Variants in HIBADH observed in about 807,000 individuals in gnomAD.
HIBADH encodes 3-hydroxyisobutyrate dehydrogenase, also known as 3-hydroxyisobutyrate dehydrogenase, mitochondrial.
Under a neutral mutation model 36.1 loss-of-function variants are expected in HIBADH, and 25 were observed. The observed-to-expected ratio is 0.69, with a 90% CI of 0.50 to 0.97. The LOEUF (loss-of-function observed/expected upper bound fraction) is 0.97, where lower values mean the gene tolerates loss of function less well. Among genes scored for constraint, HIBADH ranks in the 50% least tolerant of loss-of-function variants. The pLI, the probability that HIBADH is intolerant of heterozygous loss-of-function variation, is 0.00. For missense variants in HIBADH, 421 were observed against 418.0 expected (o/e 1.01, Z -0.06); for synonymous variants, 160 against 149.5 (o/e 1.07, Z -0.51).
At chr7:27,538,250 T>C (rs1784094891) in intron 6 of HIBADH, 91 bp downstream of exon 6, 1 of 972,828 alleles carries the variant, frequency 1.0e-6, no homozygotes, top group Non-Finnish European at 1.6e-6. Flanking sequence ...TCAACTCATT[T>C]ATCTCTCATG....
At chr7:27,529,839 C>T (rs1177765174) in intron 7 of HIBADH, among the ~76,000 whole-genome samples, 4 of 152,142 alleles carry the variant, frequency 2.6e-5, no homozygotes, top group Non-Finnish European at 5.9e-5. Context: ...TAAACTTAAA[C>T]TTCATTACTG....
intron 3 of HIBADH, among the ~76,000 whole-genome samples, chr7:27,631,163 AG>A (rs1360795450): frequency 6.6e-6 from 1 of 152,242 alleles, no homozygotes; most frequent in Non-Finnish European, 1.5e-5. Flanking sequence ...ATGTCTCCTC[AG>A]AAGTTTTTAG....
chr7:27,579,319 G>C (rs373129401), intron 4 of HIBADH, among the ~76,000 whole-genome samples: 2 of 152,244 alleles, frequency 1.3e-5, no homozygotes, highest in East Asian at 3.9e-4. Context: ...GGGGCTGAAG[G>C]GGGCAAGAGA....
rs1450834415 is a variant in HIBADH, at chr7:27,525,606, T to C, written c.*608A>G. On this transcript the variant is annotated 3_prime_UTR_variant, in exon 8 of 8. Coordinates refer to ENST00000265395, the MANE Select transcript of HIBADH (RefSeq NM_152740.4). Reference sequence around the variant, plus strand: ...AGAATGAACAAGAAAGAAAAAAATATAAAAACAAGTCTGCTGAGTGTCGGG... The same window carrying C: ...AGAATGAACAAGAAAGAAAAAAATACAAAAACAAGTCTGCTGAGTGTCGGG... 2.6e-5 allele frequency: 4 copies of C among 152,142 alleles called. No homozygotes were observed. Among genetic ancestry groups the C allele is most frequent in the African/African-American group, 9.7e-5 (4 of 41,428 alleles). The allele number at this position is 152,142 out of a possible 1,614,324, so 9.4% of individuals were successfully genotyped here.
chr7:27,615,955 A>G (rs371496605), intron 4 of HIBADH, among the ~76,000 whole-genome samples: 1 of 152,174 alleles, frequency 6.6e-6, no homozygotes, highest in African/African-American at 2.4e-5. Flanking sequence ...GTCTAAATGG[A>G]CTACCATTTA....
chr7:27,572,454 G>A (rs567583458), intron 4 of HIBADH, among the ~76,000 whole-genome samples: 2 of 152,236 alleles, frequency 1.3e-5, no homozygotes, highest in African/African-American at 4.8e-5. Flanking sequence ...TTTATGCCAA[G>A]ATACTTTTAA....
At chr7:27,578,347 G>A (rs1371628998) in intron 4 of HIBADH, among the ~76,000 whole-genome samples, 4 of 148,426 alleles carry the variant, frequency 2.7e-5, no homozygotes, top group African/African-American at 7.5e-5. Flanking sequence ...AGACAGTTTC[G>A]CTTTGTTGCG....
intron 4 of HIBADH, among the ~76,000 whole-genome samples, chr7:27,604,427 ATT>A (rs34640888): frequency 5.1e-4 from 76 of 148,702 alleles, no homozygotes; most frequent in South Asian, 1.1e-3. Context: ...ATCAAATTTG[ATT>A]TTTTTTTTTT....
At chr7:27,530,496 C>T (rs1010316652) in intron 7 of HIBADH, among the ~76,000 whole-genome samples, 11 of 152,100 alleles carry the variant, frequency 7.2e-5, no homozygotes, top group Non-Finnish European at 1.2e-4. Flanking sequence ...CATGAGCTAT[C>T]GCGCCTGGCC....
chr7:27,528,256 AT>A (rs1244829890), intron 7 of HIBADH, among the ~76,000 whole-genome samples: 1 of 152,246 alleles, frequency 6.6e-6, no homozygotes, highest in Non-Finnish European at 1.5e-5. Context: ...AGGCCAATTA[AT>A]AACCCTACAA....
At chr7:27,577,282 T>C (rs1364357052) in intron 4 of HIBADH, among the ~76,000 whole-genome samples, 1 of 151,158 alleles carries the variant, frequency 6.6e-6, no homozygotes, top group Non-Finnish European at 1.5e-5. Flanking sequence ...TCCTACCTCA[T>C]CCTCCCAGGT....
intron 4 of HIBADH, among the ~76,000 whole-genome samples, chr7:27,625,971 A>C (rs991092564): frequency 2.0e-5 from 3 of 151,904 alleles, no homozygotes; most frequent in African/African-American, 7.3e-5. Context: ...GTGTGGTGGC[A>C]GGCGCCTGTA....
chr7:27,569,221 A>C (rs183757412), intron 4 of HIBADH, among the ~76,000 whole-genome samples: 35 of 152,196 alleles, frequency 2.3e-4, no homozygotes, highest in Middle Eastern at 6.8e-3. Flanking sequence ...TCTTTTTCTT[A>C]ACTGAGATTA....
rs1786138864 is a variant in HIBADH at position 27,649,526 on chromosome 7, T to C, written c.199A>G (p.Ile67Val). 6.2e-7 allele frequency: 1 copy of C among 1,613,924 alleles called. No homozygotes were observed. The highest frequency in any genetic ancestry group is 8.5e-7 in the Non-Finnish European group (1 of 1,179,884). ...CAGGCATCAGGGAACACATCATAAA[T>C]AATAAGTGGATAGCCATGTTTCATG... ...NLMKHGYPLI[I>V]YDVFPDACKE... is the part of the protein sequence containing the mutation. Residue 67 changes from isoleucine to valine, a missense_variant, in exon 2 of 8, where the codon ATT becomes GTT. Physicochemically the swap from Ile to Val is conservative, Grantham distance 29. Coordinates refer to ENST00000265395, the MANE Select transcript of HIBADH (RefSeq NM_152740.4).
chr7:27,579,438 A>G (rs995160034), intron 4 of HIBADH, among the ~76,000 whole-genome samples: 5 of 152,194 alleles, frequency 3.3e-5, no homozygotes, highest in African/African-American at 1.2e-4. Context: ...TGTTTCATGA[A>G]TTCTATTTTT....
intron 2 of HIBADH, among the ~76,000 whole-genome samples, chr7:27,633,367 G>A (rs1785782283): frequency 6.6e-6 from 1 of 152,092 alleles, no homozygotes; most frequent in Admixed American, 6.6e-5. Flanking sequence ...TCCTTTAATA[G>A]AAAGAATCAG....
intron 4 of HIBADH, among the ~76,000 whole-genome samples, chr7:27,578,277 G>A (rs1047682705): frequency 1.3e-5 from 2 of 151,816 alleles, no homozygotes; most frequent in Admixed American, 1.3e-4. Context: ...TGTACATTAG[G>A]GTTACAGTAA....
chr7:27,543,502 A>G (rs1195361291), intron 4 of HIBADH, among the ~76,000 whole-genome samples: 1 of 152,206 alleles, frequency 6.6e-6, no homozygotes, highest in Non-Finnish European at 1.5e-5. Flanking sequence ...GAGCAGCCAG[A>G]GAGAGGTCTG....
At chr7:27,555,302 C>CTTT (rs3072856) in intron 4 of HIBADH, among the ~76,000 whole-genome samples, 1,732 of 127,358 alleles carry the variant, frequency 0.014, 25 homozygotes, top group African/African-American at 0.017. Context: ...TCTTGCTCTA[C>CTTT]TTTTTTTTTT....
Sources: allele counts gnomAD v4.1 joint callset (sites outside exome capture counted in the v4.1 genomes callset), GRCh38; gene constraint gnomAD v4.1.1; transcripts MANE v1.5; gene names NCBI Gene and HGNC (gene_info 2026-07-23, HGNC 2026-07-21).